The following DSTYK variants were observed in gnomAD, a reference collection of about 807,000 sequenced individuals.
The protein encoded by DSTYK is RIP-homologous kinase.
A neutral mutation model predicts 98.7 loss-of-function variants in DSTYK; 34 were observed. The observed-to-expected ratio is 0.34, with a 90% CI of 0.26 to 0.46. DSTYK has a LOEUF of 0.46. Among genes scored for constraint, DSTYK ranks in the 20% least tolerant of loss-of-function variants. The pLI, the probability that DSTYK is intolerant of heterozygous loss-of-function variation, is 1.00. For synonymous variants in DSTYK, 462 were observed against 457.3 expected (o/e 1.01, Z -0.13); for missense variants, 962 against 1,181.7 (o/e 0.81, Z 2.73).
chr1:205,198,179 G>A (rs1171645246), intron 1 of DSTYK, among the ~76,000 whole-genome samples: 1 of 151,858 alleles, frequency 6.6e-6, no homozygotes, highest in Non-Finnish European at 1.5e-5. Context: ...GGCAACAAGA[G>A]TGAAACTCCG....
intron 1 of DSTYK, among the ~76,000 whole-genome samples, chr1:205,210,530 G>T (rs1574810353): frequency 6.6e-6 from 1 of 152,190 alleles, no homozygotes; most frequent in Non-Finnish European, 1.5e-5. Flanking sequence ...AAAGATTAAA[G>T]ACTGCACGAT....
At chr1:205,198,354 T>C (rs1159761265) in intron 1 of DSTYK, among the ~76,000 whole-genome samples, 1 of 152,214 alleles carries the variant, frequency 6.6e-6, no homozygotes, top group East Asian at 1.9e-4. Context: ...TTTTCCAAGT[T>C]AAAGCAGCAA....
intron 7 of DSTYK, 68 bp from the exon 8 acceptor site, chr1:205,160,338 C>CTTTT: frequency 2.6e-6 from 3 of 1,142,732 alleles, no homozygotes; most frequent in Admixed American, 2.5e-5. Flanking sequence ...CTGTAAGATT[C>CTTTT]TTTTTTTTTT....
At chr1:205,183,424 T>C (rs1405698521) in intron 2 of DSTYK, among the ~76,000 whole-genome samples, 4 of 152,210 alleles carry the variant, frequency 2.6e-5, no homozygotes, top group Non-Finnish European at 5.9e-5. Context: ...CCAAGCAGTG[T>C]GGGTCCATGT....
intron 2 of DSTYK, among the ~76,000 whole-genome samples, chr1:205,174,767 TCAC>T: frequency 6.7e-6 from 1 of 150,234 alleles, no homozygotes. Flanking sequence ...AGACGGAGTT[TCAC>T]TCTTGTTGCC....
At chr1:205,147,801 G>A in intron 12 of DSTYK, 56 bp from the exon 13 acceptor site, 2 of 1,576,780 alleles carry the variant, frequency 1.3e-6, no homozygotes, top group South Asian at 1.1e-5. Flanking sequence ...GCACAACAAA[G>A]AGGCATGACC....
intron 10 of DSTYK, among the ~76,000 whole-genome samples, chr1:205,156,366 G>A (rs945196559): frequency 6.6e-6 from 1 of 152,236 alleles, no homozygotes; most frequent in African/African-American, 2.4e-5. Flanking sequence ...GAGGTAGGCT[G>A]TATCCTGCAA....
intron 9 of DSTYK, 116 bp downstream of exon 9, chr1:205,159,431 T>A (rs1380146607): frequency 7.9e-7 from 1 of 1,268,762 alleles, no homozygotes; most frequent in Non-Finnish European, 1.1e-6. Context: ...AAATAAACCC[T>A]AATTACTCCA....
chr1:205,182,079 G>T (rs1658423174), intron 2 of DSTYK, among the ~76,000 whole-genome samples: 1 of 152,038 alleles, frequency 6.6e-6, no homozygotes, highest in Non-Finnish European at 1.5e-5. Context: ...TTAAAAACAG[G>T]TTAGCAAAAC....
chr1:205,187,015 C>G (rs1658575619), intron 2 of DSTYK, among the ~76,000 whole-genome samples: 1 of 152,186 alleles, frequency 6.6e-6, no homozygotes, highest in Non-Finnish European at 1.5e-5. Context: ...AATACTCATC[C>G]ATCATCTATC....
intron 2 of DSTYK, among the ~76,000 whole-genome samples, chr1:205,174,072 C>A (rs966512097): frequency 4.0e-5 from 6 of 151,366 alleles, no homozygotes; most frequent in Admixed American, 4.0e-4. Context: ...GGTGTAAATT[C>A]ATTATTAAAG....
Position 205,153,080 on chromosome 1 carries a change from AG to A in DSTYK, c.2353-2287del, listed in dbSNP as rs902561021. 1.1e-3 allele frequency among the ~76,000 whole-genome samples: 164 copies of A among 152,330 alleles called. 1 individual carries two copies. Among genetic ancestry groups the A allele is most frequent in the African/African-American group, 3.7e-3 (154 of 41,580 alleles). On this transcript the variant is annotated intron_variant, in intron 10 of 12. Transcript: ENST00000367162. ...CGGTCAGCTAAGGAGAGTTTCCTAA[AG>A]TCCCTGTAGTTTCCTTTCCTAAAGG...
chr1:205,176,196 G>A (rs763617005), intron 2 of DSTYK, among the ~76,000 whole-genome samples: 56 of 152,104 alleles, frequency 3.7e-4, no homozygotes, highest in Non-Finnish European at 6.0e-4. Context: ...ATGCAATAGA[G>A]GCTGGGTGCA....
At chr1:205,171,972 T>C (rs1039605978) in intron 2 of DSTYK, among the ~76,000 whole-genome samples, 2 of 146,490 alleles carry the variant, frequency 1.4e-5, no homozygotes, top group East Asian at 2.0e-4. Flanking sequence ...GATTGATTGA[T>C]TGAGATGCAG....
chr1:205,175,223 C>A (rs909852717), intron 2 of DSTYK, among the ~76,000 whole-genome samples: 1 of 152,034 alleles, frequency 6.6e-6, no homozygotes, highest in Non-Finnish European at 1.5e-5. Context: ...GCCTCAGCCT[C>A]CCATGTTGCT....
chr1:205,181,653 G>GGGGGGT lies in DSTYK; in HGVS notation c.654+5764_654+5765insACCCCC, dbSNP rs758360038. Among the ~76,000 whole-genome samples the GGGGGGT allele has an allele frequency of 3.7e-4, 31 of 84,052 alleles. No homozygotes were observed. In the East Asian group the frequency reaches 4.6e-3, roughly 12 times the overall value. The allele number at this position is 84,052 out of a possible 152,430, so 55.1% of individuals were successfully genotyped here. ...CACAGATGTGAGCCACAGATGTTGG[G>GGGGGGT]GTTTGTGTGTGTGTGTGTGTGTGTG... On this transcript the variant is annotated intron_variant, in intron 2 of 12. Transcript: ENST00000367162.
chr1:205,171,454 TAAAA>T (rs10536424), intron 2 of DSTYK, among the ~76,000 whole-genome samples: 3 of 115,182 alleles, frequency 2.6e-5, no homozygotes. Context: ...CTGTCTCAAT[TAAAA>T]AAAAAAAAAA....
At chr1:205,153,461 A>G (rs900356770) in intron 10 of DSTYK, among the ~76,000 whole-genome samples, 5 of 152,194 alleles carry the variant, frequency 3.3e-5, no homozygotes, top group Non-Finnish European at 7.3e-5. Context: ...AAGAAACATG[A>G]CAACAAAATA....
At chr1:205,194,564 A>C (rs1231878193) in intron 1 of DSTYK, among the ~76,000 whole-genome samples, 6 of 123,446 alleles carry the variant, frequency 4.9e-5, no homozygotes, top group Non-Finnish European at 8.5e-5. Context: ...TTTTTTTAAA[A>C]TAGAGATGGG....
Sources: gnomAD v4.1 joint callset for allele counts (sites outside exome capture counted in the v4.1 genomes callset) on GRCh38, gnomAD v4.1.1 for gene constraint, MANE v1.5 for transcripts, NCBI Gene and HGNC (gene_info 2026-07-23, HGNC 2026-07-21) for gene names.